Variants in PTPRD observed in about 807,000 individuals in gnomAD.
The protein encoded by PTPRD is protein tyrosine phosphatase receptor type D, also known as receptor-type tyrosine-protein phosphatase delta.
In PTPRD, 34 loss-of-function variants were observed where a neutral mutation model predicts 214.5. The observed-to-expected ratio is 0.16, with a 90% CI of 0.12 to 0.21. The LOEUF (loss-of-function observed/expected upper bound fraction) is 0.21, where lower values mean the gene tolerates loss of function less well. PTPRD is among the 10% of genes least tolerant of loss of function. PTPRD has a pLI of 1.00. For missense variants in PTPRD, 2,545 were observed against 2,398.7 expected, an observed-to-expected ratio of 1.06 and a Z score of -1.27; for synonymous variants, 1,128 against 845.7, an observed-to-expected ratio of 1.33 and a Z score of -5.79.
At chr9:8,328,113 C>G (rs184799908) in intron 44 of PTPRD, among the ~76,000 whole-genome samples, 3 of 152,226 alleles carry the variant, frequency 2.0e-5, no homozygotes, top group South Asian at 2.1e-4. Flanking sequence ...TTCCCAGCAT[C>G]GATGGTCTTT....
chr9:9,025,844 G>T (rs946174499), intron 10 of PTPRD, among the ~76,000 whole-genome samples: 1 of 151,852 alleles, frequency 6.6e-6, no homozygotes, highest in Admixed American at 6.6e-5. Flanking sequence ...AAATGTAATG[G>T]ATATTTAGCA....
intron 33 of PTPRD, among the ~76,000 whole-genome samples, chr9:8,456,896 T>C (rs772070235): frequency 3.9e-5 from 6 of 152,224 alleles, no homozygotes; most frequent in Admixed American, 2.0e-4. Context: ...TTTATCCATC[T>C]TGAAATGCTT....
chr9:8,361,974 T>C (rs1229555688), intron 39 of PTPRD, among the ~76,000 whole-genome samples: 1 of 152,214 alleles, frequency 6.6e-6, no homozygotes, highest in Admixed American at 6.5e-5. Flanking sequence ...AACTGTGATA[T>C]GGTGAAGCTT....
At chr9:9,916,569 C>A (rs1016644726) in intron 5 of PTPRD, among the ~76,000 whole-genome samples, 1 of 151,554 alleles carries the variant, frequency 6.6e-6, no homozygotes, top group East Asian at 1.9e-4. Flanking sequence ...ATATATGTTG[C>A]CTACAAGAAC....
intron 11 of PTPRD, among the ~76,000 whole-genome samples, chr9:8,915,926 C>A (rs2154265065): frequency 6.6e-6 from 1 of 152,236 alleles, no homozygotes; most frequent in Middle Eastern, 3.4e-3. Flanking sequence ...AGTTGACATA[C>A]ATAATTAATC....
intron 5 of PTPRD, among the ~76,000 whole-genome samples, chr9:9,847,377 C>G (rs1299125654): frequency 6.6e-6 from 1 of 152,080 alleles, no homozygotes; most frequent in Non-Finnish European, 1.5e-5. Flanking sequence ...GGATTTCAAG[C>G]ATGTCAAATA....
chr9:8,564,357 C>T (rs988656461), intron 14 of PTPRD, among the ~76,000 whole-genome samples: 3 of 152,052 alleles, frequency 2.0e-5, no homozygotes, highest in African/African-American at 7.2e-5. Context: ...CATCTGTATA[C>T]ATACACACAT....
intron 3 of PTPRD, among the ~76,000 whole-genome samples, chr9:10,306,690 A>T (rs2096080992): frequency 6.6e-6 from 1 of 152,064 alleles, no homozygotes; most frequent in Non-Finnish European, 1.5e-5. Flanking sequence ...TTTATATCCA[A>T]CCAGAGTCTC....
chr9:9,809,960 G>A (rs1258545083), intron 5 of PTPRD, among the ~76,000 whole-genome samples: 2 of 151,956 alleles, frequency 1.3e-5, no homozygotes, highest in East Asian at 3.9e-4. Flanking sequence ...TGGCCCACAT[G>A]GGTTTGAACT....
At chr9:9,190,006 T>C (rs1221074188) in intron 9 of PTPRD, among the ~76,000 whole-genome samples, 1 of 152,034 alleles carries the variant, frequency 6.6e-6, no homozygotes, top group Non-Finnish European at 1.5e-5. Context: ...GGCACAGTGA[T>C]GTTGGAGACT....
intron 11 of PTPRD, among the ~76,000 whole-genome samples, chr9:8,824,598 A>G (rs562918573): frequency 1.6e-5 from 1 of 63,716 alleles, no homozygotes; most frequent in Admixed American, 1.4e-4. Flanking sequence ...GTAAAGCAAA[A>G]TAAGTTATTT....
intron 33 of PTPRD, among the ~76,000 whole-genome samples, chr9:8,455,867 T>C (rs1298709123): frequency 6.6e-6 from 1 of 152,186 alleles, no homozygotes; most frequent in Non-Finnish European, 1.5e-5. Context: ...CAGTTCTATG[T>C]ATTAAAAGGC....
chr9:9,664,871 G>A (rs914358818), intron 7 of PTPRD, among the ~76,000 whole-genome samples: 1 of 151,606 alleles, frequency 6.6e-6, no homozygotes, highest in Non-Finnish European at 1.5e-5. Flanking sequence ...CCTGAAACTA[G>A]AGCATATTAG....
chr9:9,352,957 TC>T (rs1424439513), intron 9 of PTPRD, among the ~76,000 whole-genome samples: 7 of 151,970 alleles, frequency 4.6e-5, no homozygotes. Context: ...GAGAAAACAC[TC>T]CTCATTACTT....
chr9:10,458,493 T>C (rs902334867), intron 2 of PTPRD, among the ~76,000 whole-genome samples: 4 of 152,308 alleles, frequency 2.6e-5, no homozygotes, highest in African/African-American at 9.6e-5. Flanking sequence ...AATTCAACGT[T>C]CTTTCTTGAC....
At position 8,500,786 on chromosome 9, in the gene PTPRD, C is replaced by A. The variant is rs749781360; in HGVS notation, c.2096G>T (p.Ser699Ile). The A allele has an allele frequency of 5.6e-6, 9 of 1,614,102 alleles. No homozygotes were observed. Among genetic ancestry groups the A allele is most frequent in the Non-Finnish European group, 7.6e-6 (9 of 1,179,998 alleles). ...AHTDVGPGPE[S>I]LSVLIRTNED... ...ATTGGTTCGAATCAACACGGACAAG[C>A]TCTCAGGGCCAGGGCCGACATCTGT... is the stretch of plus-strand genomic sequence containing the variant. Residue 699 changes from serine to isoleucine, a missense_variant, in exon 24 of 46, where the codon AGC (serine) becomes ATC (isoleucine). Coordinates refer to ENST00000381196, the MANE Select transcript of PTPRD (RefSeq NM_002839.4).
At chr9:8,589,381 G>C (rs1177084318) in intron 14 of PTPRD, among the ~76,000 whole-genome samples, 1 of 152,136 alleles carries the variant, frequency 6.6e-6, no homozygotes, top group African/African-American at 2.4e-5. Flanking sequence ...TGGAATTCTG[G>C]AACTAAATCA....
rs531973566 is a variant in PTPRD, at chr9:9,556,459, T to C, written c.-237+18273A>G. ...AGTCCAAATCTTTATTGTTCAAGGG[T>C]TCAACTCTATTTATTATTCATAACA... On this transcript the variant is annotated intron_variant, in intron 8 of 45. Coordinates refer to ENST00000381196, the MANE Select transcript of PTPRD (RefSeq NM_002839.4). Among the ~76,000 whole-genome samples the C allele has an allele frequency of 2.0e-5, 3 of 152,310 alleles. No homozygotes were observed. The East Asian group carries it at 5.8e-4, about 29-fold the overall frequency.
At chr9:9,967,603 G>A (rs1243522909) in intron 4 of PTPRD, among the ~76,000 whole-genome samples, 1 of 152,142 alleles carries the variant, frequency 6.6e-6, no homozygotes, top group Non-Finnish European at 1.5e-5. Context: ...GGAACATGAG[G>A]TTCATAGGGT....
Sources: allele counts gnomAD v4.1 joint callset (sites outside exome capture counted in the v4.1 genomes callset), GRCh38; gene constraint gnomAD v4.1.1; transcripts MANE v1.5; gene names NCBI Gene and HGNC (gene_info 2026-07-23, HGNC 2026-07-21).